HYAL3: variants seen among roughly 807,000 people sequenced by gnomAD.
The protein encoded by HYAL3 is hyaluronidase-3.
A neutral mutation model predicts 29.6 loss-of-function variants in HYAL3; 25 were observed. The ratio of observed to expected loss-of-function variants is 0.85; its 90% confidence interval spans 0.62 to 1.18. The LOEUF (loss-of-function observed/expected upper bound fraction) is 1.18, where lower values mean the gene tolerates loss of function less well. Ranked by LOEUF, HYAL3 falls within the 50% of genes most tolerant of loss-of-function variation. The pLI is 0.00. For synonymous variants in HYAL3, 215 were observed against 218.3 expected, an observed-to-expected ratio of 0.99 and a Z score of 0.13; for missense variants, 442 against 548.4, an observed-to-expected ratio of 0.81 and a Z score of 1.94.
chr3:50,293,695 C>G lies in HYAL3; in HGVS notation c.921G>C (p.Val307=), dbSNP rs1575495066. ...SQDDLVQSIG[V]SAALGAAGVV... The stretch of plus-strand genomic sequence containing the variant: ...CGCCGGCTGCCCCTAGTGCTGCACT[C>G]ACACCAATGGACTGCACAAGGTCAT... The change falls in exon 3 of 4, where the codon GTG becomes GTC. Residue 307 remains valine (V), a synonymous_variant. Coordinates refer to ENST00000336307, the MANE Select transcript of HYAL3 (RefSeq NM_003549.4). 6.2e-7 allele frequency: 1 copy of G among 1,613,746 alleles called. No individual in the cohort carries two copies. The highest frequency in any genetic ancestry group is 8.5e-7 in the Non-Finnish European group (1 of 1,180,036).
intron 1 of HYAL3, chr3:50,298,166 G>T: frequency 1.1e-6 from 1 of 884,872 alleles, no homozygotes; most frequent in Non-Finnish European, 1.4e-6. Context: ...AGGAAAAACT[G>T]CCCGGGAGTC....
chr3:50,293,978 CTGGGACTACAGG>C (rs782743266), intron 2 of HYAL3, among the ~76,000 whole-genome samples: 2 of 152,154 alleles, frequency 1.3e-5, no homozygotes, highest in Non-Finnish European at 2.9e-5. Context: ...TCCCAAGCAG[CTGGGACTACAGG>C]TGCATAACAC....
intron 1 of HYAL3, chr3:50,296,855 C>G: frequency 6.3e-7 from 1 of 1,590,320 alleles, no homozygotes; most frequent in Non-Finnish European, 8.6e-7. Flanking sequence ...TGGCAGGCAG[C>G]CGTCTGCTGG....
rs188359638 is a variant in HYAL3 at position 50,299,219 on chromosome 3, A to G, written c.-24T>C. 3 of 1,614,142 alleles carry G rather than the reference A, an allele frequency of 1.9e-6. No individual in the cohort carries two copies. The highest frequency in any genetic ancestry group is 2.5e-6 in the Non-Finnish European group (3 of 1,180,004). On this transcript the variant is annotated 5_prime_UTR_variant, in exon 1 of 4. Coordinates refer to ENST00000336307, the MANE Select transcript of HYAL3 (RefSeq NM_003549.4). ...GGAAGGGTGCGGTACTGACATGTTG[A>G]TGCTGGCCTCTGGGATGTTCCGCGT...
In HYAL3 at chr3:50,292,854, G is replaced by C. The variant is rs587612261; in HGVS notation, c.*392C>G. ...AGGCAGTGGAAAAAAGTGACTTTAT[G>C]ATGAAAGAGTGCAGACAACAGCTTA... On this transcript the variant is annotated 3_prime_UTR_variant, in exon 4 of 4. Coordinates refer to ENST00000336307, the MANE Select transcript of HYAL3 (RefSeq NM_003549.4). 9.4e-6 allele frequency: 14 copies of C among 1,492,758 alleles called. No homozygotes were observed. The East Asian group carries it at 2.0e-4, about 21-fold the overall frequency. The allele number at this position is 1,492,758 out of a possible 1,614,324, so 92.5% of individuals were successfully genotyped here. A position where few individuals can be genotyped will look rare whatever the true frequency, so the allele number is the denominator to read the frequency against.
rs1702019038 is a variant in HYAL3 at position 50,299,303 on chromosome 3, C to T, written c.-108G>A. The T allele has an allele frequency of 6.2e-7, 1 of 1,610,518 alleles. No individual in the cohort carries two copies. The highest frequency in any genetic ancestry group is 1.7e-5 in the Admixed American group (1 of 59,710). On this transcript the variant is annotated 5_prime_UTR_variant, in exon 1 of 4. Coordinates refer to ENST00000336307, the MANE Select transcript of HYAL3 (RefSeq NM_003549.4). ...CGCCACCTCGGACTCCTCGGTCCGA[C>T]AACGTTGGCCCCCAGCGGTGCGGCG...
At chr3:50,296,523 G>T in intron 1 of HYAL3, 1 of 1,509,226 alleles carries the variant, frequency 6.6e-7, no homozygotes, top group Non-Finnish European at 9.1e-7. Context: ...AGGGGCTGAG[G>T]TATGGTCAGT....
At chr3:50,296,639 C>G in intron 1 of HYAL3, 1 of 1,614,062 alleles carries the variant, frequency 6.2e-7, no homozygotes, top group South Asian at 1.1e-5. Flanking sequence ...TGGGGCGCCC[C>G]CTCACATTTT....
intron 2 of HYAL3, among the ~76,000 whole-genome samples, chr3:50,294,331 C>T (rs1553710600): frequency 6.6e-6 from 1 of 152,114 alleles, no homozygotes; most frequent in East Asian, 1.9e-4. Flanking sequence ...TGGGGTCTCA[C>T]TATGTTGCCC....
rs1388112162 is a variant in HYAL3, at chr3:50,298,216, C to G, written c.-18+997G>C. 1.8e-5 allele frequency: 11 copies of G among 626,096 alleles called. No individual in the cohort carries two copies. In the African/African-American group the frequency reaches 2.2e-4, roughly 13 times the overall value. 38.8% of individuals were successfully genotyped at this position (626,096 alleles called of 1,614,324 possible). ...TTCTCCCTATGTTCCGAGTCTCCTC[C>G]AGCTCCCAGCCTTTTCAACTACCTG... On this transcript the variant is annotated intron_variant, in intron 1 of 3. Coordinates refer to ENST00000336307, the MANE Select transcript of HYAL3 (RefSeq NM_003549.4).
In HYAL3 at chr3:50,295,654, G is replaced by A. The variant is rs150337763; in HGVS notation, c.-17-35C>T. On this transcript the variant is annotated intron_variant, in intron 1 of 3. Transcript: ENST00000336307. The stretch of plus-strand genomic sequence containing the variant: ...AGAGGGGGGTGTAAGCTTAGAGTCC[G>A]CAGCTATGGCCACACCTTCCACATG... The A allele has an allele frequency of 3.3e-5, 49 of 1,481,818 alleles. No individual in the cohort carries two copies. In the Middle Eastern group the frequency reaches 7.7e-4, roughly 23 times the overall value. The allele number at this position is 1,481,818 out of a possible 1,614,324, so 91.8% of individuals were successfully genotyped here.
Position 50,293,094 on chromosome 3 carries a change from C to A in HYAL3, c.*152G>T, listed in dbSNP as rs1553710245. ...CTGGTTTTATAAGCGTTTTTTCTGG[C>A]CCCTTCTACCCCTCAGGGATTCCAA... is the stretch of plus-strand genomic sequence containing the variant. On this transcript the variant is annotated 3_prime_UTR_variant, in exon 4 of 4. Transcript: ENST00000336307. The A allele has an allele frequency of 1.4e-6, 2 of 1,439,718 alleles. No homozygotes were observed. Among genetic ancestry groups the A allele is most frequent in the South Asian group, 1.2e-5 (1 of 86,916 alleles). 89.2% of individuals were successfully genotyped at this position (1,439,718 alleles called of 1,614,324 possible).
intron 1 of HYAL3, chr3:50,295,856 G>A (rs1479542607): frequency 1.7e-5 from 9 of 522,266 alleles, no homozygotes; most frequent in Non-Finnish European, 3.1e-5. Context: ...ACAGTGAGCT[G>A]AGGGTACATT....
chr3:50,297,814 C>T lies in HYAL3; in HGVS notation c.-18+1399G>A. 8.7e-7 allele frequency: 1 copy of T among 1,152,900 alleles called. No homozygotes were observed. The highest frequency in any genetic ancestry group is 1.1e-6 in the Non-Finnish European group (1 of 936,540). The allele number at this position is 1,152,900 out of a possible 1,614,324, so 71.4% of individuals were successfully genotyped here. ...ACTTTGTCCCACACTCACCTGATAG[C>T]ACAGGTGACCTGGAAGAGACCCATC... On this transcript the variant is annotated intron_variant, in intron 1 of 3. Coordinates refer to ENST00000336307, the MANE Select transcript of HYAL3 (RefSeq NM_003549.4). This position sits in a 1 kb window ranked among gnomAD's most constrained non-coding sequence, Gnocchi z 4.3.
chr3:50,295,584 G>C lies in HYAL3; in HGVS notation c.19C>G (p.Pro7Ala), dbSNP rs1553710992. 2 of 1,553,116 alleles carry C rather than the reference G, an allele frequency of 1.3e-6. No individual in the cohort carries two copies. The highest frequency in any genetic ancestry group is 1.7e-6 in the Non-Finnish European group (2 of 1,148,366). MTTQLG[P>A]ALVLGVALCL... Reference sequence around the variant, plus strand: ...AGGGCCACCCCCAGCACCAGGGCTGGGCCCAGTTGCGTGGTCATTCCCCAA... The same window carrying C: ...AGGGCCACCCCCAGCACCAGGGCTGCGCCCAGTTGCGTGGTCATTCCCCAA... The change falls in exon 2 of 4, where the codon CCA becomes GCA. Residue 7 changes from proline (P) to alanine (A), a missense_variant. Coordinates refer to ENST00000336307, the MANE Select transcript of HYAL3 (RefSeq NM_003549.4).
At position 50,295,259 on chromosome 3, in the gene HYAL3, C is replaced by A; in HGVS notation, c.344G>T (p.Ser115Ile). Residue 115 changes from serine (S) to isoleucine (I), a missense_variant, in exon 2 of 4, where the codon AGC becomes ATC. Coordinates refer to ENST00000336307, the MANE Select transcript of HYAL3 (RefSeq NM_003549.4). ...TGGGCCAGCAAAGCCAGGTCTCAGG[C>A]TGTGGTGGATCTGGTAGGCAGCCAG... ...LALAAYQIHH[S>I]LRPGFAGPAV... 1 of 1,614,010 alleles carries A rather than the reference C, an allele frequency of 6.2e-7. No individual in the cohort carries two copies. The highest frequency in any genetic ancestry group is 2.2e-5 in the East Asian group (1 of 44,882).
chr3:50,297,575 C>A lies in HYAL3; in HGVS notation c.-18+1638G>T. The A allele has an allele frequency of 6.7e-7, 1 of 1,493,244 alleles. No homozygotes were observed. The highest frequency in any genetic ancestry group is 1.4e-5 in the South Asian group (1 of 72,774). The allele number at this position is 1,493,244 out of a possible 1,614,324, so 92.5% of individuals were successfully genotyped here. A position where few individuals can be genotyped will look rare whatever the true frequency, so the allele number is the denominator to read the frequency against. ...GCTGAGTCAGGCTGGGAGCCAAGGT[C>A]ACCTGCTGCTAGGTTGCAGGTGGCT... On this transcript the variant is annotated intron_variant, in intron 1 of 3. Coordinates refer to ENST00000336307, the MANE Select transcript of HYAL3 (RefSeq NM_003549.4). The surrounding 1 kb of genome is among the most constrained non-coding windows in gnomAD (Gnocchi z 4.3).
chr3:50,299,394 G>A lies in HYAL3; in HGVS notation c.-199C>T. 7.1e-7 allele frequency: 1 copy of A among 1,400,474 alleles called. No individual in the cohort carries two copies. The highest frequency in any genetic ancestry group is 9.7e-7 in the Non-Finnish European group (1 of 1,035,574). The allele number at this position is 1,400,474 out of a possible 1,614,324, so 86.8% of individuals were successfully genotyped here. On this transcript the variant is annotated 5_prime_UTR_variant, in exon 1 of 4. It adds an upstream start codon to the 5' untranslated region. Transcript: ENST00000336307. Reference sequence around the variant, plus strand: ...TTCTAAGGCCTCCCAGCACCCGCGCGTCGCCGCTTAGAACCCGCCCCTGGT... The same window carrying A: ...TTCTAAGGCCTCCCAGCACCCGCGCATCGCCGCTTAGAACCCGCCCCTGGT...
In HYAL3 at chr3:50,297,493, G is replaced by C; in HGVS notation, c.-18+1720C>G. The C allele has an allele frequency of 1.3e-6, 2 of 1,554,430 alleles. No homozygotes were observed. Among genetic ancestry groups the C allele is most frequent in the Non-Finnish European group, 8.7e-7 (1 of 1,146,514 alleles). On this transcript the variant is annotated intron_variant, in intron 1 of 3. Coordinates refer to ENST00000336307, the MANE Select transcript of HYAL3 (RefSeq NM_003549.4). This position sits in a 1 kb window ranked among gnomAD's most constrained non-coding sequence, Gnocchi z 4.3. ...TGTGTAGGGTCTAGTGTAGGGGTCA[G>C]CTTGGCTGGGCCAGGGCTCAGAGTC...
Sources: gnomAD v4.1 joint callset for allele counts (sites outside exome capture counted in the v4.1 genomes callset) on GRCh38, gnomAD v4.1.1 for gene constraint, Gnocchi (gnomAD v3.1) non-coding constraint, MANE v1.5 for transcripts, NCBI Gene and HGNC (gene_info 2026-07-23, HGNC 2026-07-21) for gene names.